NIPAL2: variants seen among roughly 807,000 people sequenced by gnomAD.
NIPAL2 encodes NIPA-like protein 2.
In NIPAL2, 43 loss-of-function variants were observed where a neutral mutation model predicts 48.9. The observed-to-expected ratio is 0.88, with a 90% CI of 0.69 to 1.13. The LOEUF (loss-of-function observed/expected upper bound fraction) is 1.13, where lower values mean the gene tolerates loss of function less well. NIPAL2 is among the 50% of genes most tolerant of loss of function. NIPAL2 has a pLI of 0.00. For missense variants in NIPAL2, 446 were observed against 461.4 expected, an observed-to-expected ratio of 0.97 and a Z score of 0.31; for synonymous variants, 167 against 174.6, an observed-to-expected ratio of 0.96 and a Z score of 0.34.
At chr8:98,260,934 G>A (rs1395444392) in intron 1 of NIPAL2, among the ~76,000 whole-genome samples, 1 of 152,078 alleles carries the variant, frequency 6.6e-6, no homozygotes, top group Non-Finnish European at 1.5e-5. Context: ...GGAGATCTGA[G>A]AACGGGCAGA....
At position 98,191,253 on chromosome 8, in the gene NIPAL2, TC is replaced by T. The variant is rs1224838083; in HGVS notation, c.*1724del. The T allele has an allele frequency of 6.6e-6, 1 of 152,288 alleles. No individual in the cohort carries two copies. The highest frequency in any genetic ancestry group is 2.1e-4 in the South Asian group (1 of 4,822). The allele number at this position is 152,288 out of a possible 1,614,324, so 9.4% of individuals were successfully genotyped here. ...AATCTTTGTAAACCAGTTTTAAGAG[TC>T]ACCAGAAATCTGTAGTTTAAGGCAC... On this transcript the variant is annotated 3_prime_UTR_variant, in exon 11 of 11. Transcript: ENST00000430223.
chr8:98,264,161 A>G (rs1187944499), intron 1 of NIPAL2, among the ~76,000 whole-genome samples: 1 of 150,896 alleles, frequency 6.6e-6, no homozygotes, highest in Non-Finnish European at 1.5e-5. Flanking sequence ...TGACAAACCC[A>G]CAGCCAATAT....
chr8:98,234,241 TCTTTTCTA>T (rs534866287), intron 4 of NIPAL2, among the ~76,000 whole-genome samples: 10 of 152,184 alleles, frequency 6.6e-5, no homozygotes, highest in Admixed American at 1.3e-4. Flanking sequence ...TGGCACATAT[TCTTTTCTA>T]CTTAAAAAAA....
At position 98,192,632 on chromosome 8, in the gene NIPAL2, C is replaced by T. The variant is rs767645659; in HGVS notation, c.*346G>A. The stretch of plus-strand genomic sequence containing the variant: ...TTAAAGTGAAGCAACTGACACTACC[C>T]GTGGGAGAAGCCACCTATGCGACCT... On this transcript the variant is annotated 3_prime_UTR_variant, in exon 11 of 11. Transcript: ENST00000430223. 7 of 216,228 alleles carry T rather than the reference C, an allele frequency of 3.2e-5. No individual in the cohort carries two copies. The highest frequency in any genetic ancestry group is 5.6e-5 in the Non-Finnish European group (6 of 107,770). The allele number at this position is 216,228 out of a possible 1,614,324, so 13.4% of individuals were successfully genotyped here. A position where few individuals can be genotyped will look rare whatever the true frequency, so the allele number is the denominator to read the frequency against.
intron 1 of NIPAL2, among the ~76,000 whole-genome samples, chr8:98,277,527 A>G (rs1815542974): frequency 2.6e-5 from 4 of 152,000 alleles, no homozygotes; most frequent in African/African-American, 9.7e-5. Context: ...ACAGAGTGAG[A>G]ATCTGTCTCA....
intron 3 of NIPAL2, among the ~76,000 whole-genome samples, chr8:98,243,144 TC>T: frequency 6.6e-6 from 1 of 152,234 alleles, no homozygotes; most frequent in South Asian, 2.1e-4. Context: ...ATTTAATGCA[TC>T]CAGTTGCCCT....
chr8:98,242,279 A>G (rs1327115962), intron 3 of NIPAL2, among the ~76,000 whole-genome samples: 4 of 151,322 alleles, frequency 2.6e-5, no homozygotes. Context: ...TCCTGAGCTC[A>G]CGTGATTCTC....
chr8:98,238,180 G>C (rs889423078), intron 3 of NIPAL2, among the ~76,000 whole-genome samples: 1 of 152,008 alleles, frequency 6.6e-6, no homozygotes, highest in Non-Finnish European at 1.5e-5. Flanking sequence ...TATAGGCATG[G>C]GAAAATCCAA....
At chr8:98,265,421 A>C (rs913730848) in intron 1 of NIPAL2, among the ~76,000 whole-genome samples, 6 of 126,102 alleles carry the variant, frequency 4.8e-5, no homozygotes, top group Non-Finnish European at 1.0e-4. Context: ...CAATGAACTC[A>C]AACAAATTTA....
intron 6 of NIPAL2, among the ~76,000 whole-genome samples, chr8:98,212,096 A>C (rs987790042): frequency 6.6e-6 from 1 of 152,204 alleles, no homozygotes; most frequent in Non-Finnish European, 1.5e-5. Flanking sequence ...GGGATCATTA[A>C]TTTGTTTCTC....
At chr8:98,197,086 T>G (rs535713099) in intron 8 of NIPAL2, among the ~76,000 whole-genome samples, 3 of 152,294 alleles carry the variant, frequency 2.0e-5, no homozygotes, top group East Asian at 1.9e-4. Flanking sequence ...TTTCTCTTTT[T>G]TTTTTTTCAA....
intron 2 of NIPAL2, 108 bp downstream of exon 2, chr8:98,253,911 T>A: frequency 1.6e-6 from 1 of 622,202 alleles, no homozygotes; most frequent in Non-Finnish European, 2.7e-6. Context: ...TTTTTTATAA[T>A]TTTTATGGAG....
rs183097697 is a variant in NIPAL2 at position 98,274,979 on chromosome 8, C to T, written c.135+19024G>A. Among the ~76,000 whole-genome samples the T allele has an allele frequency of 3.2e-4, 49 of 152,006 alleles. 2 individuals are homozygous for T. Among genetic ancestry groups the T allele is most frequent in the African/African-American group, 1.1e-3 (45 of 41,512 alleles). The stretch of plus-strand genomic sequence containing the variant: ...TAGTAAGTACTGCTATTTTTTTAAA[C>T]CTTTAATTTTGAAATAATTATGGAT... On this transcript the variant is annotated intron_variant, in intron 1 of 10. Transcript: ENST00000430223.
chr8:98,292,108 T>C (rs1816518103), intron 1 of NIPAL2, among the ~76,000 whole-genome samples: 1 of 152,176 alleles, frequency 6.6e-6, no homozygotes, highest in Non-Finnish European at 1.5e-5. Context: ...GGCAAGCAAA[T>C]AAGCATCATT....
intron 1 of NIPAL2, among the ~76,000 whole-genome samples, chr8:98,293,222 A>T (rs912609411): frequency 5.9e-5 from 9 of 152,248 alleles, no homozygotes; most frequent in Non-Finnish European, 1.0e-4. Flanking sequence ...AAAGTAACAC[A>T]TTTAATGAAA....
chr8:98,199,283 A>G (rs573935943), intron 8 of NIPAL2, among the ~76,000 whole-genome samples: 30 of 152,044 alleles, frequency 2.0e-4, no homozygotes, highest in African/African-American at 6.7e-4. Context: ...TGCATTCACA[A>G]CTTGGCTAAA....
intron 8 of NIPAL2, 141 bp from the exon 9 acceptor site, chr8:98,196,146 AGTTT>A: frequency 2.0e-6 from 1 of 499,546 alleles, no homozygotes; most frequent in South Asian, 2.9e-5. Context: ...TCAGCAGTTT[AGTTT>A]AAGAAAATTT....
At chr8:98,230,370 T>C (rs891433899) in intron 4 of NIPAL2, among the ~76,000 whole-genome samples, 1 of 152,192 alleles carries the variant, frequency 6.6e-6, no homozygotes, top group Non-Finnish European at 1.5e-5. Context: ...TGGTGTTCCC[T>C]GGAACCAGTT....
chr8:98,203,335 G>A, intron 7 of NIPAL2, 139 bp from the exon 8 acceptor site: 1 of 670,550 alleles, frequency 1.5e-6, no homozygotes, highest in Non-Finnish European at 2.7e-6. Context: ...TTTCCAATCA[G>A]CAGTCATAGC....
Sources: allele counts gnomAD v4.1 joint callset (sites outside exome capture counted in the v4.1 genomes callset), GRCh38; gene constraint gnomAD v4.1.1; transcripts MANE v1.5; gene names NCBI Gene and HGNC (gene_info 2026-07-23, HGNC 2026-07-21).